ANO8: variants seen among roughly 807,000 people sequenced by gnomAD.
ANO8 encodes the protein anoctamin-8.
A neutral mutation model predicts 120.4 loss-of-function variants in ANO8; 67 were observed. That is an observed-to-expected ratio of 0.56 (90% confidence interval 0.46 to 0.68). The LOEUF (loss-of-function observed/expected upper bound fraction) is 0.68, where lower values mean the gene tolerates loss of function less well. Ranked by LOEUF, ANO8 falls within the 30% of genes least tolerant of loss-of-function variation. The probability of loss-of-function intolerance (pLI) is 0.00; values close to 1 mark genes in which losing one functional copy is unlikely to be tolerated. For synonymous variants in ANO8, 727 were observed against 759.2 expected (o/e 0.96, Z 0.70); for missense variants, 1,526 against 1,737.6 (o/e 0.88, Z 2.16).
Position 17,333,881 on chromosome 19 carries a change from G to C in ANO8, c.107-81C>G. On this transcript the variant is annotated intron_variant, in intron 1 of 17. Coordinates refer to ENST00000159087, the MANE Select transcript of ANO8 (RefSeq NM_020959.3). This position sits in a 1 kb window ranked among gnomAD's most constrained non-coding sequence, Gnocchi z 7.2. ...TCCAGTCTTGGCTCCTCCTGCCCCC[G>C]CCAGGGCTCCTCACCACTCCACCTG... The C allele has an allele frequency of 1.6e-6, 2 of 1,222,778 alleles. No individual in the cohort carries two copies. The highest frequency in any genetic ancestry group is 2.3e-6 in the Non-Finnish European group (2 of 853,964). The allele number at this position is 1,222,778 out of a possible 1,614,324, so 75.7% of individuals were successfully genotyped here.
intron 13 of ANO8, 41 bp downstream of exon 13, chr19:17,328,121 G>GAGGCCCCGCCCCCT: frequency 3.5e-6 from 5 of 1,436,414 alleles, no homozygotes; most frequent in Non-Finnish European, 4.7e-6. Flanking sequence ...TCCCGTCCCC[G>GAGGCCCCGCCCCCT]GCGAGGCCCC....
intron 5 of ANO8, among the ~76,000 whole-genome samples, chr19:17,332,128 G>A (rs184066582): frequency 1.3e-3 from 191 of 148,278 alleles, no homozygotes; most frequent in African/African-American, 4.6e-3. Flanking sequence ...TAGAGATGGG[G>A]GTTTCACCAT....
In ANO8 at chr19:17,328,553, AG is replaced by A; in HGVS notation, c.1834del (p.Leu612SerfsTer3). 6.5e-7 allele frequency: 1 copy of A among 1,548,342 alleles called. No individual in the cohort carries two copies. Among genetic ancestry groups the A allele is most frequent in the Non-Finnish European group, 8.7e-7 (1 of 1,147,306 alleles). The part of the protein sequence containing the change: ...GEEGGLLDCG[L>X]RLKKVSFAER... ...AGCGAAGCTGACCTTCTTCAGCCGG[AG>A]CCCGCAGTCCAGGAGGCCCCCTTCC... On this transcript the variant is annotated frameshift_variant, in exon 13 of 18. Transcript: ENST00000159087. LOFTEE classifies it high-confidence loss of function.
rs757908674 is a variant in ANO8, at chr19:17,325,405, CG to C, written c.2662-20del. 1.0e-4 allele frequency: 160 copies of C among 1,560,408 alleles called. No homozygotes were observed. Among genetic ancestry groups the C allele is most frequent in the Non-Finnish European group, 1.4e-4 (157 of 1,159,060 alleles). On this transcript the variant is annotated intron_variant, in intron 16 of 17. Transcript: ENST00000159087. ...CGTGTCTCTGCAGGTAGAGCCAAGC[CG>C]TTACAGGACTAAGAAGAAAGGGTGT... is the stretch of plus-strand genomic sequence containing the variant.
rs751557833 is a variant in ANO8 at position 17,333,570 on chromosome 19, G to A, written c.218-16C>T. 10 of 1,612,142 alleles carry A rather than the reference G, an allele frequency of 6.2e-6. No homozygotes were observed. Among genetic ancestry groups the A allele is most frequent in the Admixed American group, 1.7e-5 (1 of 59,994 alleles). ...TCGGTCGTGTCTGCCAAGGGGCACA[G>A]GGACCGATGGCTCCTGCCACGAGGG... is the stretch of plus-strand genomic sequence containing the variant. On this transcript the variant is annotated splice_polypyrimidine_tract_variant and intron_variant, in intron 2 of 17. Transcript: ENST00000159087. This position sits in a 1 kb window ranked among gnomAD's most constrained non-coding sequence, Gnocchi z 7.2.
intron 13 of ANO8, 122 bp from the exon 14 acceptor site, chr19:17,328,002 C>A (rs1201722338): frequency 7.1e-7 from 1 of 1,415,742 alleles, no homozygotes; most frequent in African/African-American, 1.4e-5. Flanking sequence ...CTCAGCCAGC[C>A]CAGAGGCTTC....
In ANO8 at chr19:17,328,638, C is replaced by T; in HGVS notation, c.1750G>A (p.Asp584Asn). The change falls in exon 13 of 18, where the codon GAC (aspartate) becomes AAC (asparagine). Residue 584 changes from aspartate (D) to asparagine (N), a missense_variant. Coordinates refer to ENST00000159087, the MANE Select transcript of ANO8 (RefSeq NM_020959.3). ...TCCTCCTCCTCCTCGTCGTCCTCGT[C>T]CTCCTCCTTGCCCCCTGGAGGCCCG... The part of the protein sequence containing the change: ...GDGPPGGKEE[D>N]EDDEEEEDEE... 6.5e-7 allele frequency: 1 copy of T among 1,527,326 alleles called. No homozygotes were observed. The highest frequency in any genetic ancestry group is 8.8e-7 in the Non-Finnish European group (1 of 1,134,562). 94.6% of individuals were successfully genotyped at this position (1,527,326 alleles called of 1,614,324 possible).
chr19:17,323,247 G>A lies in ANO8; in HGVS notation c.*270C>T, dbSNP rs1010792383. Reference sequence around the variant, plus strand: ...GCACTGTTGAAATATAGTTTTTATTGCATTTCTGCCGTTTTACAAAAATAT... The same window carrying A: ...GCACTGTTGAAATATAGTTTTTATTACATTTCTGCCGTTTTACAAAAATAT... On this transcript the variant is annotated 3_prime_UTR_variant, in exon 18 of 18. Coordinates refer to ENST00000159087, the MANE Select transcript of ANO8 (RefSeq NM_020959.3). The A allele has an allele frequency of 7.0e-5, 16 of 227,430 alleles. No individual in the cohort carries two copies. The highest frequency in any genetic ancestry group is 3.5e-4 in the Admixed American group (6 of 17,328). 14.1% of individuals were successfully genotyped at this position (227,430 alleles called of 1,614,324 possible). A position where few individuals can be genotyped will look rare whatever the true frequency, so the allele number is the denominator to read the frequency against.
At chr19:17,334,439 G>C in intron 1 of ANO8, 126 bp downstream of exon 1, 1 of 877,652 alleles carries the variant, frequency 1.1e-6, no homozygotes, top group Non-Finnish European at 1.7e-6. Context: ...GCAGTGCCGG[G>C]AGGAGCCGGC....
chr19:17,333,925 G>A lies in ANO8; in HGVS notation c.107-125C>T. On this transcript the variant is annotated intron_variant, in intron 1 of 17. Transcript: ENST00000159087. The surrounding 1 kb of genome is among the most constrained non-coding windows in gnomAD (Gnocchi z 7.2). ...CCACCTGGCATTCAAGGCCCCGGGAGCTCTGGGCTTGGCTTATTTTCCTCC... is the reference window on the plus strand; with the variant it reads ...CCACCTGGCATTCAAGGCCCCGGGAACTCTGGGCTTGGCTTATTTTCCTCC... 1 of 776,816 alleles carries A rather than the reference G, an allele frequency of 1.3e-6. No homozygotes were observed. The highest frequency in any genetic ancestry group is 2.1e-6 in the Non-Finnish European group (1 of 468,816). 48.1% of individuals were successfully genotyped at this position (776,816 alleles called of 1,614,324 possible). A position where few individuals can be genotyped will look rare whatever the true frequency, so the allele number is the denominator to read the frequency against.
Position 17,323,369 on chromosome 19 carries a change from T to C in ANO8, c.*148A>G. ...TTTTCTGTTGGATTTGTGGGTTTCC[T>C]TTCGTTTGGAAAGGAAAACGGCAGA... On this transcript the variant is annotated 3_prime_UTR_variant, in exon 18 of 18. Transcript: ENST00000159087. 1.7e-6 allele frequency: 1 copy of C among 595,064 alleles called. No individual in the cohort carries two copies. Among genetic ancestry groups the C allele is most frequent in the Non-Finnish European group, 2.5e-6 (1 of 399,558 alleles). The allele number at this position is 595,064 out of a possible 1,614,324, so 36.9% of individuals were successfully genotyped here.
rs2074295929 is a variant in ANO8 at position 17,328,859 on chromosome 19, C to A, written c.1529G>T (p.Arg510Leu). Residue 510 changes from arginine to leucine, a missense_variant, in exon 13 of 18, where the codon CGA becomes CTA. By Grantham distance (102) the Arg-to-Leu change is moderately radical. Coordinates refer to ENST00000159087, the MANE Select transcript of ANO8 (RefSeq NM_020959.3). ...GAGGCTCAGGAGGCCAAGCAGGGCT[C>A]GGGCCAGCTCCCAGACGGCCCGCAG... ...LGLRAVWELARALLGLLSLRR... is the reference protein window; with the variant it reads ...LGLRAVWELALALLGLLSLRR... 2 of 1,491,906 alleles carry A rather than the reference C, an allele frequency of 1.3e-6. No individual in the cohort carries two copies. Among genetic ancestry groups the A allele is most frequent in the South Asian group, 2.5e-5 (2 of 79,668 alleles). 92.4% of individuals were successfully genotyped at this position (1,491,906 alleles called of 1,614,324 possible). A position where few individuals can be genotyped will look rare whatever the true frequency, so the allele number is the denominator to read the frequency against.
chr19:17,328,606 C>T lies in ANO8; in HGVS notation c.1782G>A (p.Glu594=). The T allele has an allele frequency of 1.3e-6, 2 of 1,542,824 alleles. No homozygotes were observed. Among genetic ancestry groups the T allele is most frequent in the South Asian group, 1.2e-5 (1 of 83,546 alleles). ...DEDDEEEEDE[E]EEEDEEEGEE... is the part of the protein sequence containing the mutation. ...CGCCCTCCTCCTCGTCCTCCTCTTC[C>T]TCCTCGTCCTCCTCCTCCTCGTCGT... Residue 594 remains glutamate (E), a synonymous_variant, in exon 13 of 18, where the codon GAG becomes GAA. Coordinates refer to ENST00000159087, the MANE Select transcript of ANO8 (RefSeq NM_020959.3).
In ANO8 at chr19:17,323,797, C is replaced by T. The variant is rs1191023114; in HGVS notation, c.3419G>A (p.Arg1140Gln). The T allele has an allele frequency of 1.4e-5, 16 of 1,153,822 alleles. No individual in the cohort carries two copies. The highest frequency in any genetic ancestry group is 6.6e-5 in the African/African-American group (4 of 60,968). 71.5% of individuals were successfully genotyped at this position (1,153,822 alleles called of 1,614,324 possible). A position where few individuals can be genotyped will look rare whatever the true frequency, so the allele number is the denominator to read the frequency against. Residue 1140 changes from arginine (R) to glutamine (Q), a missense_variant, in exon 18 of 18, where the codon CGG (arginine) becomes CAG (glutamine). Transcript: ENST00000159087. ...PAPPPPMPLP[R>Q]PPTPPAGCWQ... ...GCAGCCTGCGGGCGGTGTCGGGGGC[C>T]GGGGCAGCGGCATTGGCGGCGGCGG...
chr19:17,330,624 T>G, intron 8 of ANO8, 120 bp from the exon 9 acceptor site: 5 of 1,406,872 alleles, frequency 3.6e-6, no homozygotes, highest in Non-Finnish European at 4.7e-6. Context: ...CCCTCTCAGG[T>G]CACCCACCTA....
chr19:17,330,639 AC>A (rs2074310874), intron 8 of ANO8, 135 bp from the exon 9 acceptor site: 11 of 1,387,522 alleles, frequency 7.9e-6, no homozygotes, highest in Non-Finnish European at 1.1e-5. Flanking sequence ...CACCTAGGGC[AC>A]TGTTCCCAGT....
rs920769654 is a variant in ANO8, at chr19:17,329,328, C to T, written c.1405-345G>A. On this transcript the variant is annotated intron_variant, in intron 12 of 17. Transcript: ENST00000159087. ...CCCCAGATTCCCTCCGCGCATGCGC[C>T]CTCAGCTCGGCGCGCCAGGCCCCCA... 1.4e-5 allele frequency: 5 copies of T among 350,332 alleles called. No individual in the cohort carries two copies. In the Admixed American group the frequency reaches 2.3e-4, roughly 16 times the overall value. The allele number at this position is 350,332 out of a possible 1,614,324, so 21.7% of individuals were successfully genotyped here.
intron 9 of ANO8, 22 bp downstream of exon 9, chr19:17,330,330 G>A (rs2145688903): frequency 3.1e-6 from 5 of 1,609,562 alleles, no homozygotes; most frequent in Middle Eastern, 1.7e-4. Flanking sequence ...AGGACAGGGC[G>A]GGTGAGGGTA....
intron 16 of ANO8, 37 bp from the exon 17 acceptor site, chr19:17,325,423 A>C (rs1175395214): frequency 2.6e-6 from 4 of 1,538,696 alleles, no homozygotes; most frequent in Admixed American, 3.8e-5. Flanking sequence ...GACTAAGAAG[A>C]AAGGGTGTTA....
Sources: gnomAD v4.1 joint callset for allele counts (sites outside exome capture counted in the v4.1 genomes callset) on GRCh38, gnomAD v4.1.1 for gene constraint, Gnocchi (gnomAD v3.1) non-coding constraint, MANE v1.5 for transcripts, NCBI Gene and HGNC (gene_info 2026-07-23, HGNC 2026-07-21) for gene names.